Variants in CNTN4 observed in about 807,000 individuals in gnomAD.
CNTN4 encodes contactin 4.
CNTN4 carries 77 observed loss-of-function variants against 122.5 expected under a neutral mutation model. That is an observed-to-expected ratio of 0.63 (90% CI 0.52 to 0.76). CNTN4 has a LOEUF of 0.76. CNTN4 is among the 30% of genes least tolerant of loss of function. The probability of loss-of-function intolerance (pLI) is 0.00; values close to 1 mark genes in which losing one functional copy is unlikely to be tolerated. For missense variants in CNTN4, 1,256 were observed against 1,259.1 expected (o/e 1.00, Z 0.04); for synonymous variants, 512 against 447.0 (o/e 1.15, Z -1.83).
At chr3:2,949,253 C>A (rs2094711264) in intron 13 of CNTN4, among the ~76,000 whole-genome samples, 1 of 152,116 alleles carries the variant, frequency 6.6e-6, no homozygotes, top group African/African-American at 2.4e-5. Context: ...AGACCTCAAG[C>A]ACATTCAAAA....
intron 2 of CNTN4, among the ~76,000 whole-genome samples, chr3:2,163,992 CAA>C (rs2036077092): frequency 1.3e-5 from 2 of 151,896 alleles, no homozygotes; most frequent in Admixed American, 1.3e-4. Context: ...AAAGGTATAA[CAA>C]TGATAAAATG....
At chr3:2,513,612 A>T (rs2076954518) in intron 3 of CNTN4, among the ~76,000 whole-genome samples, 1 of 152,128 alleles carries the variant, frequency 6.6e-6, no homozygotes, top group Admixed American at 6.5e-5. Context: ...CCATTCAAAT[A>T]TTTAGAAATT....
chr3:2,358,983 T>C (rs1441939665), intron 3 of CNTN4, among the ~76,000 whole-genome samples: 2 of 152,196 alleles, frequency 1.3e-5, no homozygotes, highest in African/African-American at 4.8e-5. Context: ...CCTCCAGTTG[T>C]GGTTAGGTGC....
intron 4 of CNTN4, among the ~76,000 whole-genome samples, chr3:2,582,091 G>A (rs145921640): frequency 5.9e-5 from 9 of 152,274 alleles, no homozygotes; most frequent in East Asian, 1.9e-4. Flanking sequence ...ACTCAACCTC[G>A]TGAGTACACT....
intron 4 of CNTN4, among the ~76,000 whole-genome samples, chr3:2,679,709 A>G (rs926269786): frequency 2.6e-5 from 4 of 152,242 alleles, no homozygotes; most frequent in African/African-American, 9.6e-5. Context: ...GGTTCCTTCT[A>G]CCCAATCTTT....
intron 12 of CNTN4, among the ~76,000 whole-genome samples, chr3:2,909,067 T>C (rs1373253374): frequency 6.6e-6 from 1 of 152,220 alleles, no homozygotes; most frequent in Non-Finnish European, 1.5e-5. Flanking sequence ...AAACTAAAAG[T>C]TATTTCATAG....
intron 3 of CNTN4, among the ~76,000 whole-genome samples, chr3:2,389,026 T>G (rs2046349310): frequency 6.6e-6 from 1 of 151,560 alleles, no homozygotes; most frequent in Non-Finnish European, 1.5e-5. Context: ...CCAGGCGTGG[T>G]GGTGTGTGCC....
At chr3:2,825,061 G>A (rs1191900851) in intron 7 of CNTN4, among the ~76,000 whole-genome samples, 1 of 152,082 alleles carries the variant, frequency 6.6e-6, no homozygotes, top group Admixed American at 6.5e-5. Flanking sequence ...AGAAAAGGGT[G>A]GCTTTTCCTA....
rs140244871 is a variant in CNTN4 at position 2,715,463 on chromosome 3, T to G, written c.56-20752T>G. 3.2e-3 allele frequency among the ~76,000 whole-genome samples: 484 copies of G among 152,358 alleles called. 7 individuals carry two copies. The highest frequency in any genetic ancestry group is 0.011 in the African/African-American group (463 of 41,576). On this transcript the variant is annotated intron_variant, in intron 4 of 24. Transcript: ENST00000418658. ...ACCTGTTACTTTAGCAAATCAGTTG[T>G]CTTAACCCTTTATGTAAAAAAGGGA...
intron 2 of CNTN4, among the ~76,000 whole-genome samples, chr3:2,135,615 A>G (rs746863073): frequency 3.3e-5 from 5 of 152,138 alleles, no homozygotes; most frequent in Admixed American, 6.5e-5. Flanking sequence ...TAATGGAGCT[A>G]AAGTGTGGGG....
chr3:2,578,890 T>A (rs2079812995), intron 4 of CNTN4, among the ~76,000 whole-genome samples: 1 of 151,726 alleles, frequency 6.6e-6, no homozygotes. Context: ...AGAAAAAAAA[T>A]AGGGGAAGTA....
chr3:2,276,261 C>T (rs755504652), intron 2 of CNTN4, among the ~76,000 whole-genome samples: 3 of 152,108 alleles, frequency 2.0e-5, no homozygotes, highest in Non-Finnish European at 4.4e-5. Context: ...CAACCTCTGC[C>T]TCTCAGGTTC....
intron 3 of CNTN4, among the ~76,000 whole-genome samples, chr3:2,525,305 C>A (rs749716243): frequency 1.3e-5 from 2 of 152,040 alleles, no homozygotes; most frequent in Non-Finnish European, 2.9e-5. Context: ...CATGTTAGTG[C>A]TCTGAGAAAA....
intron 2 of CNTN4, among the ~76,000 whole-genome samples, chr3:2,312,187 G>T (rs974296058): frequency 6.6e-6 from 1 of 152,038 alleles, no homozygotes; most frequent in Middle Eastern, 3.4e-3. Flanking sequence ...TGCACACCTC[G>T]TGAGGCCAAA....
intron 12 of CNTN4, among the ~76,000 whole-genome samples, chr3:2,918,398 G>A (rs888352227): frequency 6.6e-6 from 1 of 152,164 alleles, no homozygotes; most frequent in African/African-American, 2.4e-5. Context: ...ATGTGCTTCT[G>A]CCGAACAAGA....
chr3:2,350,380 G>C (rs4327367), intron 3 of CNTN4, among the ~76,000 whole-genome samples: 19,348 of 152,048 alleles, frequency 0.13, 1,540 homozygotes, highest in Non-Finnish European at 0.18. Flanking sequence ...TACTCCACAG[G>C]GAGAAAAATA....
At chr3:2,745,755 C>A in intron 6 of CNTN4, 58 bp downstream of exon 6, 4 of 1,480,310 alleles carry the variant, frequency 2.7e-6, no homozygotes, top group South Asian at 2.3e-5. Context: ...ACCATTATAC[C>A]AATAAGCTTT....
chr3:2,619,857 G>T (rs1246584328), intron 4 of CNTN4, among the ~76,000 whole-genome samples: 2 of 152,200 alleles, frequency 1.3e-5, no homozygotes. Context: ...TGCATTTGTT[G>T]TGCCTTCATT....
chr3:2,310,519 T>C (rs1482840177), intron 2 of CNTN4, among the ~76,000 whole-genome samples: 1 of 152,136 alleles, frequency 6.6e-6, no homozygotes, highest in Non-Finnish European at 1.5e-5. Flanking sequence ...AGGGACCGCC[T>C]TCCCACTTTT....
Sources: gnomAD v4.1 joint callset for allele counts (sites outside exome capture counted in the v4.1 genomes callset) on GRCh38, gnomAD v4.1.1 for gene constraint, MANE v1.5 for transcripts, NCBI Gene and HGNC (gene_info 2026-07-23, HGNC 2026-07-21) for gene names.